Variants in MYO3B observed in about 807,000 individuals in gnomAD.
The protein encoded by MYO3B is myosin-IIIb.
In MYO3B, 156 loss-of-function variants were observed where a neutral mutation model predicts 174.6. The observed-to-expected ratio is 0.89, with a 90% CI of 0.78 to 1.02. The LOEUF is 1.02. MYO3B is among the 50% of genes least tolerant of loss of function. MYO3B has a pLI of 0.00. For synonymous variants in MYO3B, 563 were observed against 569.1 expected, an observed-to-expected ratio of 0.99 and a Z score of 0.15; for missense variants, 1,632 against 1,639.4, an observed-to-expected ratio of 1.00 and a Z score of 0.08.
At chr2:170,386,958 T>A in intron 13 of MYO3B, 148 bp from the exon 14 acceptor site, 1 of 675,904 alleles carries the variant, frequency 1.5e-6, no homozygotes, top group South Asian at 1.9e-5. Context: ...TATGAGAAAA[T>A]GATGCTGGTG....
chr2:170,450,365 T>C (rs1349793319), intron 23 of MYO3B, among the ~76,000 whole-genome samples: 1 of 152,212 alleles, frequency 6.6e-6, no homozygotes, highest in Admixed American at 6.5e-5. Context: ...GTTTGTCACA[T>C]ATCAAAGGTT....
intron 3 of MYO3B, among the ~76,000 whole-genome samples, chr2:170,213,019 A>C (rs2092789113): frequency 6.6e-6 from 1 of 152,240 alleles, no homozygotes; most frequent in African/African-American, 2.4e-5. Context: ...CATATACAGC[A>C]TGCTGCCTAC....
intron 27 of MYO3B, 126 bp from the exon 28 acceptor site, chr2:170,501,659 T>G: frequency 1.6e-6 from 1 of 628,618 alleles, no homozygotes; most frequent in Non-Finnish European, 2.9e-6. Flanking sequence ...CTGCTTATTT[T>G]GTTCAGTGAG....
At chr2:170,615,778 G>A (rs368916730) in intron 32 of MYO3B, among the ~76,000 whole-genome samples, 10 of 152,156 alleles carry the variant, frequency 6.6e-5, no homozygotes, top group African/African-American at 2.4e-4. Flanking sequence ...GGTCCAGGGG[G>A]TTCACTGCCT....
intron 23 of MYO3B, among the ~76,000 whole-genome samples, chr2:170,460,299 C>T (rs566108121): frequency 6.6e-5 from 10 of 152,076 alleles, no homozygotes; most frequent in African/African-American, 2.4e-4. Flanking sequence ...ACCAGCCTGA[C>T]CAACATGGTG....
chr2:170,578,636 G>A (rs1692942461), intron 32 of MYO3B, among the ~76,000 whole-genome samples: 1 of 152,194 alleles, frequency 6.6e-6, no homozygotes, highest in African/African-American at 2.4e-5. Flanking sequence ...CAACGTCCTA[G>A]TGTGTTAATG....
At chr2:170,381,994 A>C (rs1250188497) in intron 9 of MYO3B, 22 bp from the exon 10 acceptor site, 1 of 1,599,492 alleles carries the variant, frequency 6.3e-7, no homozygotes, top group Non-Finnish European at 8.6e-7. Flanking sequence ...TTAATGCTTA[A>C]ACTCTCTTGA....
At chr2:170,469,068 G>A (rs140369914) in intron 25 of MYO3B, among the ~76,000 whole-genome samples, 2,230 of 152,230 alleles carry the variant, frequency 0.015, 48 homozygotes, top group African/African-American at 0.051. Context: ...CCCAGGAGGC[G>A]GAGGTTGCAG....
intron 7 of MYO3B, among the ~76,000 whole-genome samples, chr2:170,325,929 G>A (rs934350081): frequency 2.6e-5 from 4 of 152,038 alleles, no homozygotes; most frequent in Middle Eastern, 3.2e-3. Flanking sequence ...TGTGTTCATC[G>A]TGTTCAGAAT....
At chr2:170,502,868 ACT>A (rs1441402620) in intron 28 of MYO3B, among the ~76,000 whole-genome samples, 1 of 152,180 alleles carries the variant, frequency 6.6e-6, no homozygotes, top group Non-Finnish European at 1.5e-5. Flanking sequence ...ACTTCTCAGA[ACT>A]CTTAGACCAC....
chr2:170,636,162 C>T (rs527887396), intron 32 of MYO3B, among the ~76,000 whole-genome samples: 50 of 152,216 alleles, frequency 3.3e-4, no homozygotes, highest in Non-Finnish European at 6.3e-4. Flanking sequence ...TACGATCTCT[C>T]GCCACTATCA....
intron 32 of MYO3B, among the ~76,000 whole-genome samples, chr2:170,544,746 C>G (rs1196999234): frequency 6.6e-6 from 1 of 152,156 alleles, no homozygotes; most frequent in Non-Finnish European, 1.5e-5. Context: ...GTCATGACTT[C>G]AGTCTATATG....
At chr2:170,453,021 T>C (rs1266058886) in intron 23 of MYO3B, among the ~76,000 whole-genome samples, 1 of 152,222 alleles carries the variant, frequency 6.6e-6, no homozygotes, top group African/African-American at 2.4e-5. Flanking sequence ...TTTAAAGTGC[T>C]TAAGATAATT....
At position 170,313,124 on chromosome 2, in the gene MYO3B, A is replaced by T. The variant is rs541177161; in HGVS notation, c.750-22261A>T. 5.3e-5 allele frequency among the ~76,000 whole-genome samples: 8 copies of T among 152,292 alleles called. No homozygotes were observed. The South Asian group carries it at 1.7e-3, about 32-fold the overall frequency. ...CTAAATTTGTGATTTTTTTGACTGT[A>T]ATAAGAAATAAAATATTGCACTGTT... On this transcript the variant is annotated intron_variant, in intron 7 of 34. Coordinates refer to ENST00000408978, the MANE Select transcript of MYO3B (RefSeq NM_138995.5).
At chr2:170,508,457 T>C (rs1559068906) in intron 28 of MYO3B, among the ~76,000 whole-genome samples, 1 of 152,226 alleles carries the variant, frequency 6.6e-6, no homozygotes, top group Non-Finnish European at 1.5e-5. Context: ...AACTGGGCTG[T>C]GGCAAGAATG....
intron 7 of MYO3B, among the ~76,000 whole-genome samples, chr2:170,301,746 T>C (rs1023196187): frequency 2.6e-5 from 4 of 152,134 alleles, no homozygotes; most frequent in African/African-American, 9.7e-5. Flanking sequence ...TACACAGTCA[T>C]GTGCAGGGTG....
chr2:170,601,718 C>T lies in MYO3B; in HGVS notation c.3734-49910C>T. ...TCAGCCTTGACAACTCCCTTTTTTG[C>T]TGCATCAGGCTTTCCTTTAGCTCGA... On this transcript the variant is annotated intron_variant, in intron 32 of 34. Transcript: ENST00000408978. 1.4e-5 allele frequency: 21 copies of T among 1,538,018 alleles called. No homozygotes were observed. The South Asian group carries it at 2.4e-4, about 17-fold the overall frequency.
chr2:170,352,172 C>G (rs181840349), intron 8 of MYO3B, among the ~76,000 whole-genome samples: 1 of 152,086 alleles, frequency 6.6e-6, no homozygotes, highest in African/African-American at 2.4e-5. Context: ...AGACTGGTCT[C>G]GAACTCCTGA....
At position 170,537,448 on chromosome 2, in the gene MYO3B, A is replaced by ATTTTTTTTTTTTT. The variant is rs559086883; in HGVS notation, c.3576-5437_3576-5425dup. Among the ~76,000 whole-genome samples, 28 of 54,820 alleles carry ATTTTTTTTTTTTT rather than the reference A, an allele frequency of 5.1e-4. 5 individuals are homozygous for ATTTTTTTTTTTTT. The highest frequency in any genetic ancestry group is 1.2e-3 in the African/African-American group (15 of 12,278). The allele number at this position is 54,820 out of a possible 152,430, so 36.0% of individuals were successfully genotyped here. ...ACCTTCTCTTATTAAGAGCTCTTTG[A>ATTTTTTTTTTTTT]TTTTTTTTTTTTTTTTTTTTTTTTT... On this transcript the variant is annotated intron_variant, in intron 30 of 34. Coordinates refer to ENST00000408978, the MANE Select transcript of MYO3B (RefSeq NM_138995.5).
Sources: allele counts gnomAD v4.1 joint callset (sites outside exome capture counted in the v4.1 genomes callset), GRCh38; gene constraint gnomAD v4.1.1; transcripts MANE v1.5; gene names NCBI Gene and HGNC (gene_info 2026-07-23, HGNC 2026-07-21).